Variants in BPTF observed in about 807,000 individuals in gnomAD.
The protein encoded by BPTF is nucleosome-remodeling factor subunit BPTF.
BPTF carries 18 observed loss-of-function variants against 292.5 expected under a neutral mutation model. The ratio of observed to expected loss-of-function variants is 0.06; its 90% CI spans 0.04 to 0.09. The LOEUF is 0.09. BPTF is among the 10% of genes least tolerant of loss of function. The pLI is 1.00. For missense variants in BPTF, 2,726 were observed against 3,498.7 expected (o/e 0.78, Z 5.57); for synonymous variants, 1,225 against 1,251.9 (o/e 0.98, Z 0.45).
chr17:67,887,513 A>G (rs1485018305), intron 4 of BPTF, among the ~76,000 whole-genome samples: 1 of 152,112 alleles, frequency 6.6e-6, no homozygotes, highest in Non-Finnish European at 1.5e-5. Flanking sequence ...CCAAGAATAT[A>G]TATATGTTTT....
At chr17:67,849,548 T>C (rs959729631) in intron 1 of BPTF, among the ~76,000 whole-genome samples, 2 of 152,238 alleles carry the variant, frequency 1.3e-5, no homozygotes, top group African/African-American at 4.8e-5. Context: ...TAATTTTTAC[T>C]TATCTGGATC....
Position 67,940,473 on chromosome 17 carries a change from G to A in BPTF, c.6294G>A (p.Arg2098=). ...APQQVMTQII[R]GQPVSTAVSA... ...AGCAAGTGATGACTCAAATCATCAG[G>A]GGGCAGCCTGTCTCCACTGCAGTCT... Residue 2098 remains arginine, a synonymous_variant, in exon 19 of 28, where the codon AGG becomes AGA. Transcript: ENST00000306378. 1 of 1,614,076 alleles carries A rather than the reference G, an allele frequency of 6.2e-7. No homozygotes were observed. Among genetic ancestry groups the A allele is most frequent in the Non-Finnish European group, 8.5e-7 (1 of 1,180,000 alleles).
intron 1 of BPTF, among the ~76,000 whole-genome samples, chr17:67,839,924 G>T (rs2057417766): frequency 6.6e-6 from 1 of 151,884 alleles, no homozygotes; most frequent in South Asian, 2.1e-4. Flanking sequence ...CGGTTGCCCT[G>T]TATCCTCCCT....
intron 25 of BPTF, 58 bp downstream of exon 25, chr17:67,964,462 G>T: frequency 1.3e-6 from 2 of 1,511,798 alleles, no homozygotes; most frequent in Non-Finnish European, 9.0e-7. Context: ...AATTTTGGAA[G>T]CATTTCTAGG....
intron 25 of BPTF, chr17:67,966,011 C>T (rs371630071): frequency 9.7e-5 from 15 of 154,176 alleles, no homozygotes; most frequent in East Asian, 1.9e-4. Context: ...GCTATGATCA[C>T]GCCACTCGAC....
intron 1 of BPTF, among the ~76,000 whole-genome samples, chr17:67,851,404 T>C (rs1309332594): frequency 6.6e-6 from 1 of 152,132 alleles, no homozygotes; most frequent in African/African-American, 2.4e-5. Context: ...ATTGTTTGTG[T>C]GCACGTTCAA....
intron 1 of BPTF, among the ~76,000 whole-genome samples, chr17:67,847,437 C>T (rs1045741449): frequency 5.3e-5 from 8 of 151,820 alleles, no homozygotes; most frequent in South Asian, 2.1e-4. Context: ...TAGCGTGAAC[C>T]GGGGAGGCAG....
intron 23 of BPTF, among the ~76,000 whole-genome samples, chr17:67,957,687 G>A (rs1442340310): frequency 1.3e-5 from 2 of 152,196 alleles, no homozygotes; most frequent in Non-Finnish European, 2.9e-5. Flanking sequence ...GAACAACACA[G>A]CAAGACTCCA....
At chr17:67,954,079 C>G (rs1159664385) in intron 23 of BPTF, among the ~76,000 whole-genome samples, 1 of 142,108 alleles carries the variant, frequency 7.0e-6, no homozygotes, top group Non-Finnish European at 1.5e-5. Flanking sequence ...TTCCACCTAC[C>G]CAGATCAGTC....
intron 3 of BPTF, among the ~76,000 whole-genome samples, chr17:67,874,470 T>G (rs1466902843): frequency 2.0e-5 from 3 of 152,202 alleles, no homozygotes; most frequent in African/African-American, 7.2e-5. Flanking sequence ...CTGCCCAGAC[T>G]GTGGGTCTAT....
In BPTF at chr17:67,849,797, C is replaced by T. The variant is rs147270520; in HGVS notation, c.614-4143C>T. Among the ~76,000 whole-genome samples, 56 of 152,060 alleles carry T rather than the reference C, an allele frequency of 3.7e-4. 1 individual carries two copies. Among genetic ancestry groups the T allele is most frequent in the Non-Finnish European group, 6.3e-4 (43 of 67,984 alleles). ...TACTAAAAATACAAAAAAAATTAGC[C>T]GGGCATGGTGGTGGGCACCTGTAGT... is the stretch of plus-strand genomic sequence containing the variant. On this transcript the variant is annotated intron_variant, in intron 1 of 27. Coordinates refer to ENST00000306378, the MANE Select transcript of BPTF (RefSeq NM_182641.4).
chr17:67,872,513 A>G (rs2059803480), intron 3 of BPTF, among the ~76,000 whole-genome samples: 1 of 152,000 alleles, frequency 6.6e-6, no homozygotes, highest in Non-Finnish European at 1.5e-5. Flanking sequence ...TGAGACCAGC[A>G]TGGCCAACAT....
chr17:67,847,694 AAAAAG>A (rs2058130111), intron 1 of BPTF, among the ~76,000 whole-genome samples: 1 of 151,920 alleles, frequency 6.6e-6, no homozygotes, highest in Admixed American at 6.6e-5. Context: ...AAAAAAAAGA[AAAAAG>A]AAAGCACTCT....
chr17:67,843,154 ATATC>A, intron 1 of BPTF, among the ~76,000 whole-genome samples: 1 of 149,028 alleles, frequency 6.7e-6, no homozygotes, highest in South Asian at 2.1e-4. Context: ...ATATAAATAT[ATATC>A]TACATATATA....
intron 23 of BPTF, among the ~76,000 whole-genome samples, chr17:67,948,833 AAAAAG>A (rs1264366608): frequency 6.6e-6 from 1 of 152,104 alleles, no homozygotes; most frequent in East Asian, 1.9e-4. Context: ...ACACAAAATG[AAAAAG>A]TTAGCCAGAT....
intron 9 of BPTF, among the ~76,000 whole-genome samples, chr17:67,907,845 T>C (rs569723692): frequency 3.8e-4 from 58 of 152,310 alleles, no homozygotes; most frequent in Admixed American, 2.4e-3. Context: ...ATAATCTGAT[T>C]CTCAGTCCAT....
At chr17:67,875,703 C>A (rs544335813) in intron 4 of BPTF, 3 of 1,603,868 alleles carry the variant, frequency 1.9e-6, no homozygotes, top group Non-Finnish European at 2.6e-6. Context: ...AGCAACATGG[C>A]AGAGAAGAAG....
chr17:67,875,644 C>T (rs1350142294), intron 4 of BPTF: 2 of 1,608,402 alleles, frequency 1.2e-6, no homozygotes, highest in Non-Finnish European at 1.7e-6. Flanking sequence ...AGACTAGTCC[C>T]TCTGAAGGGA....
intron 7 of BPTF, among the ~76,000 whole-genome samples, chr17:67,896,025 G>A (rs901396781): frequency 5.3e-5 from 8 of 149,776 alleles, no homozygotes; most frequent in Admixed American, 3.3e-4. Flanking sequence ...GTGCAGTGGC[G>A]TGATCTCGGC....
Sources: allele counts gnomAD v4.1 joint callset (sites outside exome capture counted in the v4.1 genomes callset), GRCh38; gene constraint gnomAD v4.1.1; transcripts MANE v1.5; gene names NCBI Gene and HGNC (gene_info 2026-07-23, HGNC 2026-07-21).